VWA8: variants seen among roughly 807,000 people sequenced by gnomAD.
The protein encoded by VWA8 is von Willebrand factor A domain-containing protein 8.
In VWA8, 221 loss-of-function variants were observed where a neutral mutation model predicts 241.5. The observed-to-expected ratio is 0.91, with a 90% confidence interval of 0.82 to 1.02. The LOEUF (loss-of-function observed/expected upper bound fraction) is 1.02, where lower values mean the gene tolerates loss of function less well. Ranked by LOEUF, VWA8 falls within the 50% of genes least tolerant of loss-of-function variation. VWA8 has a pLI of 0.00. For missense variants in VWA8, 2,322 were observed against 2,328.7 expected (o/e 1.00, Z 0.06); for synonymous variants, 852 against 827.1 (o/e 1.03, Z -0.52).
intron 34 of VWA8, among the ~76,000 whole-genome samples, chr13:41,688,565 G>A (rs2045152750): frequency 6.6e-6 from 1 of 151,946 alleles, no homozygotes. Flanking sequence ...CCATCTAAGA[G>A]GAAAATCAAT....
chr13:41,856,384 A>G (rs1872751601), intron 12 of VWA8, among the ~76,000 whole-genome samples: 1 of 152,228 alleles, frequency 6.6e-6, no homozygotes, highest in South Asian at 2.1e-4. Flanking sequence ...AAGACTAGAA[A>G]GGCAATAACT....
intron 38 of VWA8, 24 bp from the exon 39 acceptor site, chr13:41,611,756 A>C: frequency 6.2e-7 from 1 of 1,613,122 alleles, no homozygotes; most frequent in Non-Finnish European, 8.5e-7. Flanking sequence ...GTGGAAATTC[A>C]GATGATAAAT....
intron 2 of VWA8, among the ~76,000 whole-genome samples, chr13:41,939,899 T>C (rs1249680909): frequency 1.3e-5 from 2 of 152,196 alleles, no homozygotes; most frequent in East Asian, 3.8e-4. Context: ...AAACAATAAA[T>C]TTGATAAAGA....
At chr13:41,859,796 T>C (rs961920805) in intron 12 of VWA8, among the ~76,000 whole-genome samples, 2 of 152,180 alleles carry the variant, frequency 1.3e-5, no homozygotes, top group African/African-American at 2.4e-5. Context: ...TTACTTCATA[T>C]GAAATGCAGT....
chr13:41,797,196 ATTT>A (rs11400380), intron 17 of VWA8, among the ~76,000 whole-genome samples: 2 of 140,416 alleles, frequency 1.4e-5, no homozygotes, highest in African/African-American at 2.7e-5. Flanking sequence ...ACACCCAAGT[ATTT>A]TTTTTTTTTT....
At position 41,886,018 on chromosome 13, in the gene VWA8, G is replaced by A; in HGVS notation, c.877C>T (p.Leu293Phe). The change falls in exon 8 of 45, where the codon CTC becomes TTC. Residue 293 changes from leucine (L) to phenylalanine (F), a missense_variant. By Grantham distance (22) the Leu-to-Phe change is conservative. Coordinates refer to ENST00000379310, the MANE Select transcript of VWA8 (RefSeq NM_015058.2). ...ANVSAEKVSQ[L>F]LSFATTLCSQ... ...CACAGAGTTGTGGCAAAGGACAAGA[G>A]CTGAGAAACTCTAAGGGAAAAATGA... The A allele has an allele frequency of 6.3e-7, 1 of 1,590,650 alleles. No homozygotes were observed. The highest frequency in any genetic ancestry group is 8.5e-7 in the Non-Finnish European group (1 of 1,172,120).
At position 41,891,592 on chromosome 13, in the gene VWA8, T is replaced by C. The variant is rs769909064; in HGVS notation, c.484-5A>G. The C allele has an allele frequency of 6.2e-7, 1 of 1,613,594 alleles. No homozygotes were observed. The highest frequency in any genetic ancestry group is 1.3e-5 in the African/African-American group (1 of 74,912). The stretch of plus-strand genomic sequence containing the variant: ...TGTGGCTGCACGAACTGCACACTAT[T>C]TCCAAGAAACGTAAAAGCAAAATGA... On this transcript the variant is annotated splice_region_variant and splice_polypyrimidine_tract_variant and intron_variant, in intron 4 of 44. Coordinates refer to ENST00000379310, the MANE Select transcript of VWA8 (RefSeq NM_015058.2).
In VWA8 at chr13:41,579,434, T is replaced by C. The variant is rs868148879; in HGVS notation, c.5272-3596A>G. ...AGTCAACGTGAAAAGAATAATGTACTGAAAGGTCAAGGATTCTAGGCTCTG... is the reference window on the plus strand; with the variant it reads ...AGTCAACGTGAAAAGAATAATGTACCGAAAGGTCAAGGATTCTAGGCTCTG... On this transcript the variant is annotated intron_variant, in intron 42 of 44. Coordinates refer to ENST00000379310, the MANE Select transcript of VWA8 (RefSeq NM_015058.2). 2.6e-5 allele frequency among the ~76,000 whole-genome samples: 4 copies of C among 152,364 alleles called. No individual in the cohort carries two copies. In the South Asian group the frequency reaches 8.3e-4, roughly 32 times the overall value.
At chr13:41,881,083 G>A (rs1874148014) in intron 9 of VWA8, among the ~76,000 whole-genome samples, 1 of 151,954 alleles carries the variant, frequency 6.6e-6, no homozygotes, top group African/African-American at 2.4e-5. Context: ...CTATCAGTAT[G>A]GACTCATGGA....
chr13:41,729,281 T>C (rs1405241004), intron 23 of VWA8, among the ~76,000 whole-genome samples: 1 of 152,040 alleles, frequency 6.6e-6, no homozygotes, highest in African/African-American at 2.4e-5. Flanking sequence ...TACGTTGGTA[T>C]GTCAGAGTAG....
intron 21 of VWA8, among the ~76,000 whole-genome samples, chr13:41,741,500 T>C (rs1048116304): frequency 2.0e-5 from 3 of 152,224 alleles, no homozygotes; most frequent in Non-Finnish European, 4.4e-5. Context: ...TGAACTATTG[T>C]TCTATAGAAA....
chr13:41,713,588 G>A (rs76982740), intron 26 of VWA8, among the ~76,000 whole-genome samples: 91 of 152,298 alleles, frequency 6.0e-4, no homozygotes, highest in African/African-American at 2.0e-3. Context: ...ATCCTTTCCA[G>A]CTACAGGACA....
intron 37 of VWA8, among the ~76,000 whole-genome samples, chr13:41,621,147 T>A (rs548120503): frequency 6.6e-6 from 1 of 152,232 alleles, no homozygotes; most frequent in Non-Finnish European, 1.5e-5. Context: ...CAATTACCCA[T>A]ACAACTATTT....
At chr13:41,906,142 T>C (rs925844035) in intron 4 of VWA8, among the ~76,000 whole-genome samples, 1 of 152,124 alleles carries the variant, frequency 6.6e-6, no homozygotes, top group South Asian at 2.1e-4. Flanking sequence ...AAGTGCATTT[T>C]TTTCTTTTGT....
At chr13:41,568,584 T>C (rs2044277705) in intron 44 of VWA8, among the ~76,000 whole-genome samples, 1 of 152,262 alleles carries the variant, frequency 6.6e-6, no homozygotes, top group South Asian at 2.1e-4. Context: ...TTCCTTTCTT[T>C]ACTGCCATTT....
At position 41,671,095 on chromosome 13, in the gene VWA8, C is replaced by G; in HGVS notation, c.4462G>C (p.Asp1488His). Reference sequence around the variant, plus strand: ...TTGTCCCACTCAGCCAGCAGTGCATCTGTGTCTGAAATGGTCGACAGCCAT... The same window carrying G: ...TTGTCCCACTCAGCCAGCAGTGCATGTGTGTCTGAAATGGTCGACAGCCAT... Reference protein sequence around the residue: ...TTWLSTISDTDALLAEWDKSG... With the variant: ...TTWLSTISDTHALLAEWDKSG... Residue 1488 changes from aspartate to histidine, a missense_variant, in exon 37 of 45, where the codon GAT becomes CAT. Asp to His is a moderately conservative substitution (Grantham distance 81). Coordinates refer to ENST00000379310, the MANE Select transcript of VWA8 (RefSeq NM_015058.2). 2 of 1,613,930 alleles carry G rather than the reference C, an allele frequency of 1.2e-6. No homozygotes were observed. The highest frequency in any genetic ancestry group is 1.7e-6 in the Non-Finnish European group (2 of 1,179,856).
intron 41 of VWA8, 146 bp from the exon 42 acceptor site, chr13:41,587,816 G>C (rs952440572): frequency 2.0e-5 from 19 of 926,962 alleles, no homozygotes; most frequent in Non-Finnish European, 3.0e-5. Flanking sequence ...GGCTGTCCTA[G>C]CAGGTAGCAA....
At chr13:41,670,141 T>C (rs1386614566) in intron 37 of VWA8, among the ~76,000 whole-genome samples, 1 of 152,138 alleles carries the variant, frequency 6.6e-6, no homozygotes, top group Admixed American at 6.6e-5. Flanking sequence ...AATCGGCTCT[T>C]TGCAGAACAA....
chr13:41,945,610 G>T (rs1877814866), intron 2 of VWA8, among the ~76,000 whole-genome samples: 2 of 152,096 alleles, frequency 1.3e-5, no homozygotes, highest in African/African-American at 4.8e-5. Flanking sequence ...TAAAAATTCT[G>T]AACTTGAAAA....
Sources: gnomAD v4.1 joint callset for allele counts (sites outside exome capture counted in the v4.1 genomes callset) on GRCh38, gnomAD v4.1.1 for gene constraint, MANE v1.5 for transcripts, NCBI Gene and HGNC (gene_info 2026-07-23, HGNC 2026-07-21) for gene names.